NFKBID: variants seen among roughly 807,000 people sequenced by gnomAD.
The protein encoded by NFKBID is NFKB inhibitor delta, also known as NF-kappa-B inhibitor delta.
NFKBID carries 26 observed loss-of-function variants against 53.4 expected under a neutral mutation model. The observed-to-expected ratio is 0.49, with a 90% CI of 0.36 to 0.68. The LOEUF (loss-of-function observed/expected upper bound fraction) is 0.68, where lower values mean the gene tolerates loss of function less well. Among genes scored for constraint, NFKBID ranks in the 30% least tolerant of loss-of-function variants. The pLI, the probability that NFKBID is intolerant of heterozygous loss-of-function variation, is 0.00. For missense variants in NFKBID, 493 were observed against 614.1 expected (o/e 0.80, Z 2.08); for synonymous variants, 262 against 259.8 (o/e 1.01, Z -0.08).
At chr19:35,900,680 G>C (rs1049388154), upstream of NFKBID, 1 of 1,219,790 alleles carries the variant, frequency 8.2e-7, no homozygotes, top group East Asian at 3.2e-5. Flanking sequence ...CGGCGGACTT[G>C]GGAGGCGGAC....
At chr19:35,888,554 G>C (rs374906765) in exon 12 of NFKBID, 1 of 1,563,506 alleles carries the variant, frequency 6.4e-7, no homozygotes, top group Admixed American at 1.9e-5. Context: ...GTCTGGGTTT[G>C]AGTCCTAAGA....
Position 35,898,736 on chromosome 19 carries a change from CG to C in NFKBID, c.147del (p.Asp50ThrfsTer17), listed in dbSNP as rs1568496258. ...GGCCTCACCTGCACCCCGCCAGCGTCGGGCTGCTGCTGCTGGCGGCGCCTCT... is the reference window on the plus strand; with the variant it reads ...GGCCTCACCTGCACCCCGCCAGCGTCGGCTGCTGCTGCTGGCGGCGCCTCT... On this transcript the variant is annotated frameshift_variant, in exon 2 of 12. Transcript: ENST00000641389. LOFTEE classifies it high-confidence loss of function. The C allele has an allele frequency of 6.5e-7, 1 of 1,535,904 alleles. No individual in the cohort carries two copies. The highest frequency in any genetic ancestry group is 1.4e-5 in the African/African-American group (1 of 73,026).
chr19:35,894,925 G>A (rs939976938), intron 9 of NFKBID, among the ~76,000 whole-genome samples: 2 of 150,164 alleles, frequency 1.3e-5, no homozygotes, highest in Admixed American at 1.3e-4. Context: ...CCCAGGAGGC[G>A]GAGGTTGTGG....
chr19:35,889,262 G>A (rs1438135807), intron 11 of NFKBID, among the ~76,000 whole-genome samples: 1 of 151,700 alleles, frequency 6.6e-6, no homozygotes, highest in African/African-American at 2.4e-5. Context: ...AGGCTGAGGT[G>A]GGAGGATCCC....
chr19:35,896,824 G>A lies in NFKBID; in HGVS notation c.586C>T (p.His196Tyr), dbSNP rs1217556950. 1.2e-6 allele frequency: 2 copies of A among 1,613,990 alleles called. No homozygotes were observed. The highest frequency in any genetic ancestry group is 1.7e-6 in the Non-Finnish European group (2 of 1,179,982). The change falls in exon 6 of 12, where the codon CAC becomes TAC. Residue 196 changes from histidine to tyrosine, a missense_variant. By Grantham distance (83) the His-to-Tyr change is moderately conservative. This residue lies in a region of NFKBID where 267 missense variants were observed against 384.6 expected (regional missense o/e 0.69). Transcript: ENST00000641389. This position sits in a 1 kb window ranked among gnomAD's most constrained non-coding sequence, Gnocchi z 5.7. ...CGCAGCCCCCGAGCCGCAAACAGGTGAAGGAGCCTGAGGACAGGTGGGGGA... is the reference window on the plus strand; with the variant it reads ...CGCAGCCCCCGAGCCGCAAACAGGTAAAGGAGCCTGAGGACAGGTGGGGGA...
intron 2 of NFKBID, 21 bp downstream of exon 2, chr19:35,898,698 G>C: frequency 6.5e-7 from 1 of 1,532,026 alleles, no homozygotes; most frequent in Non-Finnish European, 8.7e-7. Flanking sequence ...CCTCCGGAGA[G>C]CTGTGGCTCC....
At chr19:35,900,827 C>CTTTTTTTTTTTTTTTTTTT (rs60365058), upstream of NFKBID, among the ~76,000 whole-genome samples, 161 of 107,584 alleles carry the variant, frequency 1.5e-3, no homozygotes, top group Middle Eastern at 6.3e-3. Context: ...TTTTTCTTTT[C>CTTTTTTTTTTTTTTTTTTT]TTTTTTTTTT....
chr19:35,890,537 G>T, intron 9 of NFKBID, 47 bp from the exon 10 acceptor site: 1 of 1,299,460 alleles, frequency 7.7e-7, no homozygotes, highest in Non-Finnish European at 1.1e-6. Flanking sequence ...TCACACCTAG[G>T]TGCCCTCCCA....
At chr19:35,898,053 G>A (rs929551313) in intron 3 of NFKBID, among the ~76,000 whole-genome samples, 197 bp from the exon 4 acceptor site, 1 of 152,006 alleles carries the variant, frequency 6.6e-6, no homozygotes, top group Non-Finnish European at 1.5e-5. Context: ...GCTGAGCCTG[G>A]GCCCTGGGGC....
intron 1 of NFKBID, 46 bp downstream of exon 1, chr19:35,900,396 C>T: frequency 8.3e-7 from 1 of 1,210,478 alleles, no homozygotes; most frequent in Non-Finnish European, 1.0e-6. Flanking sequence ...ATCCTCAGTC[C>T]CTCACTCTCT....
intron 1 of NFKBID, among the ~76,000 whole-genome samples, chr19:35,899,126 A>C (rs927895415): frequency 1.4e-4 from 21 of 152,232 alleles, no homozygotes; most frequent in African/African-American, 4.8e-4. Flanking sequence ...TCCGTAAAAA[A>C]ATTCCACCCC....
chr19:35,898,128 G>A (rs1158100323), intron 3 of NFKBID, among the ~76,000 whole-genome samples: 1 of 152,066 alleles, frequency 6.6e-6, no homozygotes, highest in Non-Finnish European at 1.5e-5. Context: ...CTGCTACTGA[G>A]TTCCAGCAAG....
intron 9 of NFKBID, 38 bp from the exon 10 acceptor site, chr19:35,890,528 C>T: frequency 7.2e-7 from 1 of 1,395,270 alleles, no homozygotes; most frequent in African/African-American, 1.4e-5. Context: ...GGGCCAGCCT[C>T]ACACCTAGGT....
chr19:35,897,607 T>A (rs757464076), intron 4 of NFKBID, 44 bp downstream of exon 4: 4 of 1,010,730 alleles, frequency 4.0e-6, no homozygotes, highest in South Asian at 2.6e-5. Context: ...CAACTGCGAA[T>A]TTTTAGGGGC....
Position 35,896,309 on chromosome 19 carries a change from C to A in NFKBID, c.832-40G>T. 1.2e-6 allele frequency: 2 copies of A among 1,613,940 alleles called. No homozygotes were observed. The highest frequency in any genetic ancestry group is 1.7e-6 in the Non-Finnish European group (2 of 1,179,850). On this transcript the variant is annotated intron_variant, in intron 7 of 11. Coordinates refer to ENST00000641389, the Ensembl canonical transcript of NFKBID. The surrounding 1 kb of genome is among the most constrained non-coding windows in gnomAD (Gnocchi z 5.7). ...AGGCAGACTGCTGGGTAAGGGTATC[C>A]CCTGGCCTCCTGGCCCTGGAAGCCA...
At position 35,897,075 on chromosome 19, in the gene NFKBID, C is replaced by T. The variant is rs751327955; in HGVS notation, c.433-17G>A. ...GGGTCCAGCCTGTGGCAGAGAAGAT[C>T]CTACATAGAACTGGGTGTCTGGGGG... On this transcript the variant is annotated splice_polypyrimidine_tract_variant and intron_variant, in intron 4 of 11. Transcript: ENST00000641389. The T allele has an allele frequency of 6.3e-7, 1 of 1,595,408 alleles. No individual in the cohort carries two copies. Among genetic ancestry groups the T allele is most frequent in the African/African-American group, 1.4e-5 (1 of 73,370 alleles).
chr19:35,901,166 G>T (rs1975551216), upstream of NFKBID, among the ~76,000 whole-genome samples: 1 of 151,884 alleles, frequency 6.6e-6, no homozygotes, highest in South Asian at 2.1e-4. Flanking sequence ...GTCTAAGGGG[G>T]TGCTGGAGGC....
upstream of NFKBID, chr19:35,901,663 G>GGT: frequency 1.3e-5 from 2 of 153,490 alleles, no homozygotes; most frequent in Non-Finnish European, 1.5e-5. Context: ...GTGAGATCTC[G>GGT]GCTCACTGCA....
chr19:35,888,777 G>T (rs758358827), intron 11 of NFKBID, among the ~76,000 whole-genome samples, 165 bp from the exon 12 acceptor site: 1 of 152,180 alleles, frequency 6.6e-6, no homozygotes, highest in Non-Finnish European at 1.5e-5. Flanking sequence ...CAGGTGCAGT[G>T]GCTCACGCCT....
Sources: allele counts gnomAD v4.1 joint callset (sites outside exome capture counted in the v4.1 genomes callset), GRCh38; gene constraint gnomAD v4.1.1; regional missense constraint gnomAD v4.1.1; non-coding constraint Gnocchi (gnomAD v3.1); transcripts MANE v1.5; gene names NCBI Gene and HGNC (gene_info 2026-07-23, HGNC 2026-07-21).